Variants in PDE1C observed in about 807,000 individuals in gnomAD.
PDE1C encodes the protein dual specificity calcium/calmodulin-dependent 3',5'-cyclic nucleotide phosphodiesterase 1C.
PDE1C carries 62 observed loss-of-function variants against 93.1 expected under a neutral mutation model. The ratio of observed to expected loss-of-function variants is 0.67; its 90% CI spans 0.54 to 0.82. The LOEUF is 0.82. Among genes scored for constraint, PDE1C ranks in the 40% least tolerant of loss-of-function variants. The pLI is 0.00. For missense variants in PDE1C, 742 were observed against 884.6 expected (o/e 0.84, Z 2.04); for synonymous variants, 325 against 310.1 (o/e 1.05, Z -0.50).
At chr7:32,234,754 C>T (rs1350478926) in intron 1 of PDE1C, among the ~76,000 whole-genome samples, 1 of 151,964 alleles carries the variant, frequency 6.6e-6, no homozygotes, top group Non-Finnish European at 1.5e-5. Flanking sequence ...AAGGGAGACT[C>T]TCCAACTCAT....
At chr7:32,320,291 G>A (rs1050908810) in intron 1 of PDE1C, among the ~76,000 whole-genome samples, 7 of 152,022 alleles carry the variant, frequency 4.6e-5, no homozygotes, top group Admixed American at 2.0e-4. Flanking sequence ...TTGGTTAGTC[G>A]ATTTGCTTTA....
At chr7:32,390,295 A>T (rs924579990) in intron 1 of PDE1C, among the ~76,000 whole-genome samples, 3 of 152,098 alleles carry the variant, frequency 2.0e-5, no homozygotes, top group African/African-American at 4.8e-5. Flanking sequence ...ATTAAGATGC[A>T]TATTGTACTC....
chr7:32,299,921 G>T (rs1052675256), upstream of PDE1C, among the ~76,000 whole-genome samples: 2 of 152,206 alleles, frequency 1.3e-5, no homozygotes, highest in African/African-American at 4.8e-5. Flanking sequence ...CTGTGCTCAA[G>T]CTATTGTGAG....
At chr7:31,793,413 T>C (rs1784803491) in intron 16 of PDE1C, among the ~76,000 whole-genome samples, 1 of 152,024 alleles carries the variant, frequency 6.6e-6, no homozygotes, top group African/African-American at 2.4e-5. Flanking sequence ...GATTCAACTA[T>C]CACCTAAACT....
intron 1 of PDE1C, among the ~76,000 whole-genome samples, chr7:32,286,417 A>T (rs920446074): frequency 6.6e-6 from 1 of 152,268 alleles, no homozygotes. Flanking sequence ...GTGCTTACAA[A>T]GCCCTTAGAA....
chr7:32,034,941 A>G (rs1370980699), intron 2 of PDE1C, among the ~76,000 whole-genome samples: 3 of 152,208 alleles, frequency 2.0e-5, no homozygotes, highest in Admixed American at 6.5e-5. Context: ...AGTGCCAAGG[A>G]CATGATTATC....
chr7:32,071,144 C>G (rs1488124820), upstream of PDE1C: 1 of 985,284 alleles, frequency 1.0e-6, no homozygotes, highest in Non-Finnish European at 1.2e-6. Flanking sequence ...CACACTCACC[C>G]CCGCAGGGCA....
In PDE1C at chr7:32,263,432, T is replaced by C. The variant is rs140883271; in HGVS notation, c.85+35219A>G. Among the ~76,000 whole-genome samples, 67 of 152,268 alleles carry C rather than the reference T, an allele frequency of 4.4e-4. 1 individual carries two copies. In the East Asian group the frequency reaches 0.011, roughly 25 times the overall value. On this transcript the variant is annotated intron_variant, in intron 1 of 18. Coordinates refer to the PDE1C transcript ENST00000396193. ...AATTTTTATTTATTTTTCTGAACCA[T>C]GTTAAGATAAGTTACATACATTATG...
At chr7:32,374,312 A>AAGAAAGAAAG (rs1413662573) in intron 1 of PDE1C, among the ~76,000 whole-genome samples, 3 of 147,854 alleles carry the variant, frequency 2.0e-5, no homozygotes, top group Non-Finnish European at 4.5e-5. Flanking sequence ...AGAAAGAAGA[A>AAGAAAGAAAG]AAGAAAAGAA....
intron 1 of PDE1C, among the ~76,000 whole-genome samples, chr7:32,306,909 C>A (rs779659497): frequency 1.3e-5 from 2 of 152,156 alleles, no homozygotes; most frequent in African/African-American, 2.4e-5. Flanking sequence ...GGGCTTAATC[C>A]TCTAAGAAAC....
At chr7:31,943,614 C>A (rs1806153306) in intron 2 of PDE1C, among the ~76,000 whole-genome samples, 1 of 152,074 alleles carries the variant, frequency 6.6e-6, no homozygotes, top group African/African-American at 2.4e-5. Context: ...ATATCAATGA[C>A]CAGGAGTATA....
intron 8 of PDE1C, among the ~76,000 whole-genome samples, chr7:31,849,757 TTAC>T (rs1793093917): frequency 6.6e-6 from 1 of 152,130 alleles, no homozygotes; most frequent in African/African-American, 2.4e-5. Flanking sequence ...CTCCTTTTGA[TTAC>T]TATGTCAAGG....
intron 17 of PDE1C, among the ~76,000 whole-genome samples, chr7:31,775,047 G>C (rs12670976): frequency 0.08 from 12,120 of 152,134 alleles, 810 homozygotes; most frequent in East Asian, 0.38. Flanking sequence ...ATCAATAAGT[G>C]CCCCTTATAT....
intron 16 of PDE1C, chr7:31,788,370 T>G (rs1183091620): frequency 2.0e-5 from 3 of 152,206 alleles, no homozygotes; most frequent in Non-Finnish European, 4.4e-5. Context: ...TGAATGCAGC[T>G]CACAGGCATG....
the PDE1C span, chr7:31,695,539 G>C: frequency 6.2e-7 from 1 of 1,613,778 alleles, no homozygotes; most frequent in Non-Finnish European, 8.5e-7. Flanking sequence ...AAAATGTACA[G>C]GCCACCCTGA....
rs568976062 is a variant in PDE1C at position 32,320,689 on chromosome 7, T to A, written c.310+107133A>T. Among the ~76,000 whole-genome samples the A allele has an allele frequency of 1.8e-4, 27 of 152,298 alleles. No individual in the cohort carries two copies. The South Asian group carries it at 5.6e-3, about 32-fold the overall frequency. On this transcript the variant is annotated intron_variant, in intron 1 of 1. Coordinates refer to the PDE1C transcript ENST00000672256. ...ATAAAAGTTTCACATATGTGTTAAT[T>A]TTCATATGTCCATGTCAATTTAAAT...
At chr7:32,067,986 G>A (rs1419161827) in intron 1 of PDE1C, among the ~76,000 whole-genome samples, 1 of 152,094 alleles carries the variant, frequency 6.6e-6, no homozygotes, top group Admixed American at 6.5e-5. Flanking sequence ...AAATACGGGC[G>A]ATACCAACAA....
intron 3 of PDE1C, among the ~76,000 whole-genome samples, chr7:32,098,122 C>T (rs930120097): frequency 1.4e-5 from 2 of 144,180 alleles, no homozygotes; most frequent in Middle Eastern, 3.6e-3. Flanking sequence ...CCCAGCTACT[C>T]GGGAGGCTGA....
At position 32,186,512 on chromosome 7, in the gene PDE1C, AGTT is replaced by A. The variant is rs554896451; in HGVS notation, c.137-16559_137-16557del. Among the ~76,000 whole-genome samples, 31 of 152,268 alleles carry A rather than the reference AGTT, an allele frequency of 2.0e-4. No homozygotes were observed. In the South Asian group the frequency reaches 6.4e-3, roughly 32 times the overall value. ...GCAATGGCAATGTTTATTTCCCAGA[AGTT>A]GTCTATTTTTGAAAACATATTCCCA... On this transcript the variant is annotated intron_variant, in intron 2 of 18. Transcript: ENST00000396193.
Sources: gnomAD v4.1 joint callset for allele counts (sites outside exome capture counted in the v4.1 genomes callset) on GRCh38, gnomAD v4.1.1 for gene constraint, MANE v1.5 for transcripts, NCBI Gene and HGNC (gene_info 2026-07-23, HGNC 2026-07-21) for gene names.